Variants in HEATR5A observed in about 807,000 individuals in gnomAD.
HEATR5A encodes HEAT repeat containing 5A, also known as HEAT repeat-containing protein 5A.
In HEATR5A, 178 loss-of-function variants were observed where a neutral mutation model predicts 218.8. The observed-to-expected ratio is 0.81, with a 90% CI of 0.72 to 0.92. HEATR5A has a LOEUF of 0.92. HEATR5A is among the 40% of genes least tolerant of loss of function. The probability of loss-of-function intolerance (pLI) is 0.00; values close to 1 mark genes in which losing one functional copy is unlikely to be tolerated. For missense variants in HEATR5A, 2,420 were observed against 2,418.9 expected (o/e 1.00, Z -0.01); for synonymous variants, 864 against 871.6 (o/e 0.99, Z 0.15).
At chr14:31,408,109 A>G (rs2031144705) in intron 1 of HEATR5A, among the ~76,000 whole-genome samples, 1 of 152,204 alleles carries the variant, frequency 6.6e-6, no homozygotes. Context: ...TACTTTGTAC[A>G]TGACAGATAC....
chr14:31,328,520 T>A (rs1046913996), intron 22 of HEATR5A, among the ~76,000 whole-genome samples: 2 of 152,080 alleles, frequency 1.3e-5, no homozygotes, highest in African/African-American at 2.4e-5. Context: ...TATGGGTATG[T>A]CCTTTGCATT....
chr14:31,314,651 T>C (rs933589344), intron 27 of HEATR5A, among the ~76,000 whole-genome samples: 5 of 152,166 alleles, frequency 3.3e-5, no homozygotes, highest in Non-Finnish European at 7.3e-5. Flanking sequence ...TCCTCTTGCC[T>C]TGGGCTCCTA....
At chr14:31,376,323 C>T (rs1479528038) in intron 11 of HEATR5A, among the ~76,000 whole-genome samples, 2 of 152,000 alleles carry the variant, frequency 1.3e-5, no homozygotes, top group East Asian at 3.9e-4. Context: ...TGAGACCAGC[C>T]AGGTCAACAC....
intron 27 of HEATR5A, among the ~76,000 whole-genome samples, chr14:31,315,297 T>C (rs904952883): frequency 6.6e-6 from 1 of 152,254 alleles, no homozygotes; most frequent in Non-Finnish European, 1.5e-5. Flanking sequence ...AAACATTGCA[T>C]AGTAAATTAA....
intron 25 of HEATR5A, among the ~76,000 whole-genome samples, chr14:31,319,373 G>A (rs551125604): frequency 5.3e-5 from 8 of 151,932 alleles, no homozygotes; most frequent in East Asian, 1.9e-4. Flanking sequence ...GGCTGGTCTC[G>A]AACTCCTGAC....
intron 31 of HEATR5A, among the ~76,000 whole-genome samples, chr14:31,306,208 TG>T (rs1426236949): frequency 6.6e-6 from 1 of 152,226 alleles, no homozygotes; most frequent in Non-Finnish European, 1.5e-5. Flanking sequence ...CTAGGCATGA[TG>T]GCTCATGCCT....
chr14:31,347,036 G>C (rs1901045223), intron 19 of HEATR5A, among the ~76,000 whole-genome samples: 2 of 152,136 alleles, frequency 1.3e-5, no homozygotes, highest in Admixed American at 1.3e-4. Flanking sequence ...TTTCAGTTGT[G>C]AGCAAGTTGC....
At chr14:31,316,144 T>A (rs1192765454) in intron 26 of HEATR5A, among the ~76,000 whole-genome samples, 195 bp from the exon 27 acceptor site, 1 of 151,994 alleles carries the variant, frequency 6.6e-6, no homozygotes, top group African/African-American at 2.4e-5. Flanking sequence ...TAGCTGGGCA[T>A]GGTAATGTGC....
chr14:31,353,309 T>C (rs1365108358), intron 16 of HEATR5A, among the ~76,000 whole-genome samples: 2 of 152,208 alleles, frequency 1.3e-5, no homozygotes, highest in Non-Finnish European at 2.9e-5. Flanking sequence ...TATTATATGG[T>C]TTTACTATAA....
At position 31,398,795 on chromosome 14, in the gene HEATR5A, T is replaced by A; in HGVS notation, c.339-14A>T. 1 of 1,405,002 alleles carries A rather than the reference T, an allele frequency of 7.1e-7. No individual in the cohort carries two copies. The highest frequency in any genetic ancestry group is 9.7e-7 in the Non-Finnish European group (1 of 1,029,344). The allele number at this position is 1,405,002 out of a possible 1,614,324, so 87.0% of individuals were successfully genotyped here. A position where few individuals can be genotyped will look rare whatever the true frequency, so the allele number is the denominator to read the frequency against. On this transcript the variant is annotated splice_polypyrimidine_tract_variant and intron_variant, in intron 3 of 35. Coordinates refer to ENST00000543095, the MANE Select transcript of HEATR5A (RefSeq NM_015473.4). ...ACCACAGCAGCACTGAAACAACATT[T>A]AAATTAGAAATTAGTCACAGCTGAA...
intron 28 of HEATR5A, among the ~76,000 whole-genome samples, chr14:31,309,730 CT>C (rs768332775): frequency 9.2e-4 from 137 of 149,620 alleles, no homozygotes; most frequent in Admixed American, 4.0e-3. Flanking sequence ...TAATTTTTTT[CT>C]TTTTTTTTTC....
chr14:31,403,752 C>T (rs1332541173), intron 1 of HEATR5A, among the ~76,000 whole-genome samples: 3 of 152,222 alleles, frequency 2.0e-5, no homozygotes, highest in Admixed American at 6.5e-5. Flanking sequence ...AAACAATCAA[C>T]AGAAGACACA....
rs746689917 is a variant in HEATR5A at position 31,305,137 on chromosome 14, A to C, written c.5007T>G (p.Phe1669Leu). The C allele has an allele frequency of 6.2e-7, 1 of 1,613,996 alleles. No individual in the cohort carries two copies. The highest frequency in any genetic ancestry group is 1.1e-5 in the South Asian group (1 of 91,070). Residue 1669 changes from phenylalanine (F) to leucine (L), a missense_variant, in exon 32 of 36, where the codon TTT becomes TTG. Transcript: ENST00000543095. ...GTCCTCCGGTGTCCTTTCCCTCTCC[A>C]AACTCTGGCAGAGTTTCCTTTTCAG... Reference protein sequence around the residue: ...GAAEKETLPEFGEGKDTGGLV... With the variant: ...GAAEKETLPELGEGKDTGGLV...
chr14:31,291,851 C>G lies in HEATR5A; in HGVS notation c.*1454G>C, dbSNP rs1427174778. 1 of 152,134 alleles carries G rather than the reference C, an allele frequency of 6.6e-6. No individual in the cohort carries two copies. The highest frequency in any genetic ancestry group is 1.9e-4 in the East Asian group (1 of 5,200). 9.4% of individuals were successfully genotyped at this position (152,134 alleles called of 1,614,324 possible). ...AAATGATTGTAGTGTTAGAGTTTGTCAAATGTTTTCACTCTGAACAATTTA... is the reference window on the plus strand; with the variant it reads ...AAATGATTGTAGTGTTAGAGTTTGTGAAATGTTTTCACTCTGAACAATTTA... On this transcript the variant is annotated 3_prime_UTR_variant, in exon 36 of 36. Coordinates refer to ENST00000543095, the MANE Select transcript of HEATR5A (RefSeq NM_015473.4).
At chr14:31,293,723 C>T in intron 35 of HEATR5A, 111 bp from the exon 36 acceptor site, 2 of 1,141,716 alleles carry the variant, frequency 1.8e-6, no homozygotes, top group Admixed American at 2.8e-5. Context: ...ACAATTCGTC[C>T]AATCTCTTCT....
At chr14:31,417,332 C>T (rs540239556) in intron 1 of HEATR5A, among the ~76,000 whole-genome samples, 7 of 151,936 alleles carry the variant, frequency 4.6e-5, no homozygotes, top group African/African-American at 9.6e-5. Flanking sequence ...GGCCGAGGTA[C>T]GCGGATCACG....
chr14:31,369,621 A>AAC (rs1901947623), intron 13 of HEATR5A, among the ~76,000 whole-genome samples: 1 of 149,288 alleles, frequency 6.7e-6, no homozygotes, highest in Non-Finnish European at 1.5e-5. Flanking sequence ...AAAAAAAAAA[A>AAC]AAAAAAAAAA....
chr14:31,298,248 T>G (rs1376832981), intron 33 of HEATR5A, among the ~76,000 whole-genome samples: 1 of 143,548 alleles, frequency 7.0e-6, no homozygotes, highest in Non-Finnish European at 1.6e-5. Context: ...TAATATGTGT[T>G]TGCTCTTTTA....
intron 21 of HEATR5A, among the ~76,000 whole-genome samples, chr14:31,339,154 T>G (rs1900760461): frequency 6.8e-6 from 1 of 147,176 alleles, no homozygotes; most frequent in Admixed American, 6.9e-5. Context: ...TATATATGTA[T>G]GTATGTATGT....
Sources: gnomAD v4.1 joint callset for allele counts (sites outside exome capture counted in the v4.1 genomes callset) on GRCh38, gnomAD v4.1.1 for gene constraint, MANE v1.5 for transcripts, NCBI Gene and HGNC (gene_info 2026-07-23, HGNC 2026-07-21) for gene names.